ELMO1: variants seen among roughly 807,000 people sequenced by gnomAD.
ELMO1 encodes the protein engulfment and cell motility 1.
In ELMO1, 26 loss-of-function variants were observed where a neutral mutation model predicts 98.9. The ratio of observed to expected loss-of-function variants is 0.26; its 90% CI spans 0.19 to 0.36. The LOEUF (loss-of-function observed/expected upper bound fraction) is 0.36. ELMO1 is among the 10% of genes least tolerant of loss of function. The pLI is 1.00. For missense variants in ELMO1, 627 were observed against 935.2 expected, an observed-to-expected ratio of 0.67 and a Z score of 4.30; for synonymous variants, 346 against 346.0, an observed-to-expected ratio of 1.00 and a Z score of 0.00.
At chr7:36,936,467 A>AT (rs1786541418) in intron 16 of ELMO1, among the ~76,000 whole-genome samples, 1 of 151,844 alleles carries the variant, frequency 6.6e-6, no homozygotes, top group Non-Finnish European at 1.5e-5. Context: ...TTTTAGTTTT[A>AT]TTTTTTAGAG....
chr7:37,243,895 T>G (rs1211904987), intron 7 of ELMO1, among the ~76,000 whole-genome samples: 1 of 152,224 alleles, frequency 6.6e-6, no homozygotes, highest in Non-Finnish European at 1.5e-5. Context: ...GATCGAGCAC[T>G]TTCTCAGACT....
chr7:37,233,435 G>A (rs1794292122), intron 7 of ELMO1, among the ~76,000 whole-genome samples: 1 of 152,148 alleles, frequency 6.6e-6, no homozygotes, highest in African/African-American at 2.4e-5. Context: ...ACAGACCCGG[G>A]CTCACACCAA....
At chr7:37,220,899 G>A (rs1408526962) in intron 10 of ELMO1, among the ~76,000 whole-genome samples, 3 of 152,118 alleles carry the variant, frequency 2.0e-5, no homozygotes, top group Non-Finnish European at 4.4e-5. Flanking sequence ...CCATGTGGCT[G>A]GGCCAGAAGT....
chr7:36,927,167 C>A (rs1785647017), intron 16 of ELMO1, among the ~76,000 whole-genome samples: 1 of 152,260 alleles, frequency 6.6e-6, no homozygotes, highest in East Asian at 1.9e-4. Context: ...ATTTTACAGA[C>A]AAGAAAACCG....
chr7:37,412,600 A>ACGG (rs1554308721), intron 1 of ELMO1, among the ~76,000 whole-genome samples: 10 of 152,310 alleles, frequency 6.6e-5, no homozygotes, highest in Middle Eastern at 3.4e-3. Context: ...TTTTTCAAGA[A>ACGG]TGTATTGGTT....
chr7:36,878,829 C>T (rs1804182504), intron 18 of ELMO1, among the ~76,000 whole-genome samples: 1 of 152,182 alleles, frequency 6.6e-6, no homozygotes. Context: ...CTCAGTCTCT[C>T]AAAAGTGAGA....
At chr7:37,141,948 CCA>C (rs1787670508) in intron 13 of ELMO1, among the ~76,000 whole-genome samples, 1 of 152,164 alleles carries the variant, frequency 6.6e-6, no homozygotes, top group Non-Finnish European at 1.5e-5. Context: ...TGGCCACAGT[CCA>C]CAGTTTAAAG....
At chr7:37,371,189 A>C (rs933124463) in intron 1 of ELMO1, among the ~76,000 whole-genome samples, 1 of 152,352 alleles carries the variant, frequency 6.6e-6, no homozygotes, top group South Asian at 2.1e-4. Flanking sequence ...GTTTTTATAA[A>C]GTTGCAAAAA....
At chr7:36,866,564 A>T (rs896835505) in intron 20 of ELMO1, among the ~76,000 whole-genome samples, 2 of 152,264 alleles carry the variant, frequency 1.3e-5, no homozygotes, top group Non-Finnish European at 2.9e-5. Flanking sequence ...TGCTGGGAAC[A>T]TCAGCAGAGA....
chr7:37,213,015 A>G (rs1793066973), intron 12 of ELMO1, among the ~76,000 whole-genome samples: 1 of 152,182 alleles, frequency 6.6e-6, no homozygotes, highest in South Asian at 2.1e-4. Flanking sequence ...TTGTCTGGGA[A>G]CTTGACTCCA....
chr7:37,303,683 C>T (rs757060370), intron 4 of ELMO1, among the ~76,000 whole-genome samples: 14 of 152,164 alleles, frequency 9.2e-5, no homozygotes, highest in African/African-American at 2.2e-4. Context: ...TTGGAGGAAA[C>T]CCACGTGTCA....
At chr7:37,401,998 A>G (rs1031724412) in intron 1 of ELMO1, among the ~76,000 whole-genome samples, 2 of 152,354 alleles carry the variant, frequency 1.3e-5, no homozygotes, top group East Asian at 3.8e-4. Flanking sequence ...TCTACTCTTC[A>G]CCAAACCTAA....
At chr7:37,146,723 T>G (rs909857372) in intron 13 of ELMO1, among the ~76,000 whole-genome samples, 1 of 152,078 alleles carries the variant, frequency 6.6e-6, no homozygotes, top group African/African-American at 2.4e-5. Context: ...ATAGATTGGA[T>G]GAAAACAGAG....
At chr7:37,188,405 T>C (rs755408304) in intron 13 of ELMO1, among the ~76,000 whole-genome samples, 101 of 126,448 alleles carry the variant, frequency 8.0e-4, no homozygotes, top group Middle Eastern at 8.3e-3. Flanking sequence ...ACTGTGCTTC[T>C]TGTTACACAC....
At chr7:36,920,426 G>A (rs1054275721) in intron 16 of ELMO1, among the ~76,000 whole-genome samples, 1 of 152,092 alleles carries the variant, frequency 6.6e-6, no homozygotes, top group Admixed American at 6.5e-5. Context: ...CTGATTTGTG[G>A]ATATTAAAAA....
intron 16 of ELMO1, among the ~76,000 whole-genome samples, chr7:36,971,927 T>C (rs1463178860): frequency 6.6e-6 from 1 of 152,122 alleles, no homozygotes; most frequent in Non-Finnish European, 1.5e-5. Flanking sequence ...TCTCTAACAT[T>C]TGTAAGGTAA....
chr7:37,399,751 T>A (rs1803447813), intron 1 of ELMO1, among the ~76,000 whole-genome samples: 1 of 152,138 alleles, frequency 6.6e-6, no homozygotes, highest in African/African-American at 2.4e-5. Context: ...TAGGGGAGAT[T>A]ACATGATCTT....
chr7:36,965,806 C>T (rs1189471005), intron 16 of ELMO1, among the ~76,000 whole-genome samples: 1 of 152,118 alleles, frequency 6.6e-6, no homozygotes, highest in African/African-American at 2.4e-5. Flanking sequence ...AGATCATTAA[C>T]ACTGCTTGGA....
intron 13 of ELMO1, chr7:37,204,021 CT>C (rs1234399332): frequency 2.2e-6 from 1 of 444,588 alleles, no homozygotes; most frequent in Non-Finnish European, 4.5e-6. Flanking sequence ...TCGCTTTTAA[CT>C]GGCCAACAGG....
Sources: allele counts gnomAD v4.1 joint callset (sites outside exome capture counted in the v4.1 genomes callset), GRCh38; gene constraint gnomAD v4.1.1; transcripts MANE v1.5; gene names NCBI Gene and HGNC (gene_info 2026-07-23, HGNC 2026-07-21).